The following TCF12 variants were observed in gnomAD, a reference collection of about 807,000 sequenced individuals.
The protein encoded by TCF12 is DNA-binding protein HTF4.
A neutral mutation model predicts 86.0 loss-of-function variants in TCF12; 45 were observed. The observed-to-expected ratio is 0.52, with a 90% confidence interval of 0.41 to 0.67. The LOEUF (loss-of-function observed/expected upper bound fraction) is 0.67, where lower values mean the gene tolerates loss of function less well. Ranked by LOEUF, TCF12 falls within the 30% of genes least tolerant of loss-of-function variation. The pLI, the probability that TCF12 is intolerant of heterozygous loss-of-function variation, is 0.00. For missense variants in TCF12, 881 were observed against 859.9 expected (o/e 1.02, Z -0.31); for synonymous variants, 330 against 299.6 (o/e 1.10, Z -1.05).
intron 18 of TCF12, among the ~76,000 whole-genome samples, chr15:57,271,049 C>T (rs1327052661): frequency 1.3e-5 from 2 of 152,204 alleles, no homozygotes; most frequent in African/African-American, 4.8e-5. Context: ...GAGGCAGTCT[C>T]TCCATTATCA....
intron 4 of TCF12, among the ~76,000 whole-genome samples, chr15:57,070,343 T>A (rs1407838767): frequency 6.6e-6 from 1 of 152,168 alleles, no homozygotes; most frequent in Non-Finnish European, 1.5e-5. Flanking sequence ...AGACCAGTTG[T>A]TAAAAACAAA....
At chr15:56,987,633 A>G (rs2063260729) in intron 3 of TCF12, among the ~76,000 whole-genome samples, 1 of 152,208 alleles carries the variant, frequency 6.6e-6, no homozygotes, top group South Asian at 2.1e-4. Flanking sequence ...GTCAGGTTCA[A>G]TAATTTTTAC....
chr15:57,022,129 A>G (rs2065527812), intron 3 of TCF12, among the ~76,000 whole-genome samples: 2 of 152,096 alleles, frequency 1.3e-5, no homozygotes, highest in Admixed American at 6.5e-5. Context: ...CAGGTTTGAT[A>G]CACAGGTATA....
Position 57,271,264 on chromosome 15 carries a change from C to T in TCF12, c.1746-1766C>T, listed in dbSNP as rs550181360. ...CCTGCCACTTCGTTCACACAGTGAA[C>T]ATAAAACCACCTACTCAAGCCTCAG... On this transcript the variant is annotated intron_variant, in intron 18 of 20. Transcript: ENST00000333725. Among the ~76,000 whole-genome samples, 5 of 152,328 alleles carry T rather than the reference C, an allele frequency of 3.3e-5. No homozygotes were observed. The East Asian group carries it at 9.7e-4, about 29-fold the overall frequency.
chr15:57,118,500 T>C (rs2050999846), intron 5 of TCF12: 1 of 152,182 alleles, frequency 6.6e-6, no homozygotes. Context: ...TCTTACCAAT[T>C]TGATTAAGCT....
intron 4 of TCF12, among the ~76,000 whole-genome samples, chr15:57,085,698 T>C (rs1242177357): frequency 6.6e-6 from 1 of 152,250 alleles, no homozygotes; most frequent in East Asian, 1.9e-4. Context: ...GTAAGAACAC[T>C]TTTCTCTCTT....
At chr15:57,219,948 AC>A (rs2048856250) in intron 8 of TCF12, among the ~76,000 whole-genome samples, 2 of 151,246 alleles carry the variant, frequency 1.3e-5, no homozygotes. Context: ...CTGGTCTCGA[AC>A]TCCTGACCTC....
rs188209490 is a variant in TCF12 at position 57,166,410 on chromosome 15, T to C, written c.334T>C (p.Ser112Pro). ...FMNSNLMGKT[S>P]ERGSFSLYSR... ...ATTTCTTTGTTTTATAGGAAAAACA[T>C]CAGAGAGAGGCTCATTTTCCCTGTA... The change falls in exon 6 of 21, where the codon TCA becomes CCA. Residue 112 changes from serine (S) to proline (P), a missense_variant. Physicochemically the swap from Ser to Pro is moderately conservative, Grantham distance 74 (BLOSUM62 -1). Around this residue, in one of 3 missense-constraint regions of TCF12, gnomAD observed 766 missense variants for 718.9 expected, o/e 1.07. Transcript: ENST00000333725. The C allele has an allele frequency of 2.5e-6, 4 of 1,611,936 alleles. No homozygotes were observed. The East Asian group carries it at 8.9e-5, about 36-fold the overall frequency.
intron 18 of TCF12, among the ~76,000 whole-genome samples, chr15:57,267,409 A>T (rs1330103279): frequency 6.6e-6 from 1 of 152,174 alleles, no homozygotes; most frequent in African/African-American, 2.4e-5. Context: ...GAATTCAGAG[A>T]CCACTCTTTG....
chr15:57,101,924 C>G (rs1460521410), intron 5 of TCF12, among the ~76,000 whole-genome samples: 1 of 152,182 alleles, frequency 6.6e-6, no homozygotes, highest in African/African-American at 2.4e-5. Context: ...CTTTTCCACA[C>G]TTGTCCCTGG....
rs148430283 is a variant in TCF12 at position 57,063,693 on chromosome 15, A to G, written c.149-57A>G. The G allele has an allele frequency of 4.0e-3, 5,988 of 1,502,926 alleles. 22 individuals carry two copies. Among genetic ancestry groups the G allele is most frequent in the South Asian group, 5.8e-3 (479 of 82,566 alleles). The allele number at this position is 1,502,926 out of a possible 1,614,324, so 93.1% of individuals were successfully genotyped here. On this transcript the variant is annotated intron_variant, in intron 3 of 20. Transcript: ENST00000333725. ...AAATTGTACTCTGCTGTCCCGTACC[A>G]AAAAAATCCACAAAAGTATGTTTTT... is the stretch of plus-strand genomic sequence containing the variant.
intron 8 of TCF12, among the ~76,000 whole-genome samples, chr15:57,221,534 A>G (rs999220768): frequency 5.3e-5 from 8 of 150,840 alleles, no homozygotes; most frequent in African/African-American, 1.2e-4. Context: ...TTTGTTCTAC[A>G]TTGGGAGGGG....
At chr15:57,061,436 TA>T (rs568826887) in intron 3 of TCF12, among the ~76,000 whole-genome samples, 15 of 147,644 alleles carry the variant, frequency 1.0e-4, no homozygotes, top group South Asian at 2.1e-4. Context: ...CTCTACAAAA[TA>T]AAAAAAAAAA....
chr15:57,249,921 G>T (rs2060029697), intron 13 of TCF12, among the ~76,000 whole-genome samples: 1 of 151,994 alleles, frequency 6.6e-6, no homozygotes, highest in Non-Finnish European at 1.5e-5. Flanking sequence ...TTTTTCCTTT[G>T]AAAGGTATTT....
chr15:56,961,126 CAAAAAAAAAA>C (rs35067646), intron 3 of TCF12, among the ~76,000 whole-genome samples: 2 of 136,230 alleles, frequency 1.5e-5, no homozygotes. Flanking sequence ...AACTCTGTCT[CAAAAAAAAAA>C]AAAAAAAAAT....
rs1010009721 is a variant in TCF12, at chr15:56,950,956, A to G, written c.148+29858A>G. ...TTTTTAGTAGAGATGGGGTTTCTCTATGTTGGTCAGGCTGGTCTTGAACTC... is the reference window on the plus strand; with the variant it reads ...TTTTTAGTAGAGATGGGGTTTCTCTGTGTTGGTCAGGCTGGTCTTGAACTC... On this transcript the variant is annotated intron_variant, in intron 3 of 20. Transcript: ENST00000333725. Among the ~76,000 whole-genome samples, 24 of 151,450 alleles carry G rather than the reference A, an allele frequency of 1.6e-4. 1 individual carries two copies. Among genetic ancestry groups the G allele is most frequent in the East Asian group, 3.9e-4 (2 of 5,136 alleles).
At chr15:57,071,422 A>T (rs2069369440) in intron 4 of TCF12, among the ~76,000 whole-genome samples, 1 of 152,072 alleles carries the variant, frequency 6.6e-6, no homozygotes, top group African/African-American at 2.4e-5. Context: ...AGGCAAGTGG[A>T]TCGCTTGAGT....
rs919119604 is a variant in TCF12, at chr15:56,919,637, G to T, written c.-22-255G>T. 2.9e-5 allele frequency: 9 copies of T among 310,472 alleles called. No individual in the cohort carries two copies. The Admixed American group carries it at 4.6e-4, about 16-fold the overall frequency. The allele number at this position is 310,472 out of a possible 1,614,324, so 19.2% of individuals were successfully genotyped here. ...TGGCAGAGACTGGCTCGGAAACTTG[G>T]GGGAGAGGCGGCGAGTTGCGGGAGC... On this transcript the variant is annotated intron_variant, in intron 1 of 20. Coordinates refer to ENST00000333725, the MANE Select transcript of TCF12 (RefSeq NM_207037.2).
intron 6 of TCF12, among the ~76,000 whole-genome samples, chr15:57,169,619 T>C (rs1392480398): frequency 1.3e-5 from 2 of 152,206 alleles, no homozygotes; most frequent in African/African-American, 4.8e-5. Context: ...TTTGGATCTT[T>C]AATATTATTT....
Sources: allele counts gnomAD v4.1 joint callset (sites outside exome capture counted in the v4.1 genomes callset), GRCh38; gene constraint gnomAD v4.1.1; regional missense constraint gnomAD v4.1.1; transcripts MANE v1.5; gene names NCBI Gene and HGNC (gene_info 2026-07-23, HGNC 2026-07-21).